ADHFE1: variants seen among roughly 807,000 people sequenced by gnomAD.
ADHFE1 encodes the protein alcohol dehydrogenase iron containing 1.
Under a neutral mutation model 54.8 loss-of-function variants are expected in ADHFE1, and 37 were observed. That is an observed-to-expected ratio of 0.68 (90% CI 0.52 to 0.89). ADHFE1 has a LOEUF of 0.89. ADHFE1 is among the 40% of genes least tolerant of loss of function. The probability of loss-of-function intolerance (pLI) is 0.00; values close to 1 mark genes in which losing one functional copy is unlikely to be tolerated. For synonymous variants in ADHFE1, 203 were observed against 229.3 expected (o/e 0.89, Z 1.04); for missense variants, 601 against 591.2 (o/e 1.02, Z -0.17).
chr8:66,441,297 T>A (rs1805732563), intron 2 of ADHFE1, among the ~76,000 whole-genome samples: 1 of 152,188 alleles, frequency 6.6e-6, no homozygotes, highest in African/African-American at 2.4e-5. Flanking sequence ...AGTACAGCGG[T>A]ACAGTCGTAG....
intron 13 of ADHFE1, among the ~76,000 whole-genome samples, chr8:66,465,580 T>C (rs1807128887): frequency 6.6e-6 from 1 of 152,182 alleles, no homozygotes; most frequent in African/African-American, 2.4e-5. Context: ...TTTGAGGTTT[T>C]TTGTTGGTGA....
chr8:66,466,406 T>G (rs1164786075), intron 13 of ADHFE1, among the ~76,000 whole-genome samples: 1 of 152,180 alleles, frequency 6.6e-6, no homozygotes, highest in African/African-American at 2.4e-5. Context: ...CAAGAAATCA[T>G]TGCCAAAGCC....
In ADHFE1 at chr8:66,457,140, G is replaced by A. The variant is rs778193632; in HGVS notation, c.1136G>A (p.Arg379Gln). The A allele has an allele frequency of 9.7e-5, 157 of 1,613,206 alleles. 2 individuals are homozygous for A. The South Asian group carries it at 1.6e-3, about 16-fold the overall frequency. ...FTFTAQMFPE[R>Q]HLEMAEILGA... ...TTCACGGCCCAGATGTTTCCAGAGC[G>A]ACACCTGGAGATGGCAGAAATACTG... Residue 379 changes from arginine to glutamine, a missense_variant, in exon 12 of 14, where the codon CGA (arginine) becomes CAA (glutamine). Arg to Gln is a conservative substitution (Grantham distance 43, BLOSUM62 1). Coordinates refer to ENST00000396623, the MANE Select transcript of ADHFE1 (RefSeq NM_144650.3).
chr8:66,446,612 T>C (rs983514456), intron 6 of ADHFE1, among the ~76,000 whole-genome samples: 13 of 152,162 alleles, frequency 8.5e-5, no homozygotes, highest in Admixed American at 5.9e-4. Context: ...AACACACATG[T>C]ATGTTAATAC....
At chr8:66,460,566 T>TGTAAAAGAGTTCCAGGTCTCTA in intron 13 of ADHFE1, 101 bp downstream of exon 13, 1 of 1,420,978 alleles carries the variant, frequency 7.0e-7, no homozygotes, top group East Asian at 2.4e-5. Context: ...AAACCAGGGC[T>TGTAAAAGAGTTCCAGGTCTCTA]CCCCGGTGGT....
chr8:66,437,453 C>T (rs751553674), intron 1 of ADHFE1, among the ~76,000 whole-genome samples: 68 of 152,064 alleles, frequency 4.5e-4, no homozygotes, highest in Non-Finnish European at 7.8e-4. Flanking sequence ...CTGCTCTCCC[C>T]AAGCCTCACT....
chr8:66,466,780 G>A (rs141724799), intron 13 of ADHFE1, among the ~76,000 whole-genome samples: 72 of 152,278 alleles, frequency 4.7e-4, no homozygotes, highest in Non-Finnish European at 6.3e-4. Flanking sequence ...CTCCAGCCAG[G>A]GTGTTGGGAA....
intron 2 of ADHFE1, among the ~76,000 whole-genome samples, chr8:66,440,427 T>C (rs999457877): frequency 2.6e-5 from 4 of 152,234 alleles, no homozygotes; most frequent in African/African-American, 4.8e-5. Context: ...TTAATGCTAC[T>C]TACAACGCTT....
chr8:66,432,736 C>G, intron 1 of ADHFE1, 161 bp downstream of exon 1: 1 of 1,232,276 alleles, frequency 8.1e-7, no homozygotes, highest in Non-Finnish European at 1.0e-6. Context: ...GGCGGAACAG[C>G]GAGGTCACAG....
intron 6 of ADHFE1, 69 bp from the exon 7 acceptor site, chr8:66,447,195 G>C: frequency 7.1e-7 from 1 of 1,398,936 alleles, no homozygotes; most frequent in East Asian, 2.3e-5. Flanking sequence ...TCAGTCCTAA[G>C]GCTGAATTAG....
Position 66,448,846 on chromosome 8 carries a change from G to C in ADHFE1, c.629-19G>C. ...GATGCCCATGGCTTTAGCCTCTACT[G>C]AAAATCCTTATGTTTTAGGCATCAC... On this transcript the variant is annotated intron_variant, in intron 7 of 13. Coordinates refer to ENST00000396623, the MANE Select transcript of ADHFE1 (RefSeq NM_144650.3). The C allele has an allele frequency of 6.2e-7, 1 of 1,607,660 alleles. No individual in the cohort carries two copies. The highest frequency in any genetic ancestry group is 8.5e-7 in the Non-Finnish European group (1 of 1,175,302).
Position 66,456,875 on chromosome 8 carries a change from A to C in ADHFE1, c.1045A>C (p.Asn349His). 6.3e-7 allele frequency: 1 copy of C among 1,577,356 alleles called. No individual in the cohort carries two copies. Among genetic ancestry groups the C allele is most frequent in the Non-Finnish European group, 8.6e-7 (1 of 1,165,892 alleles). The change falls in exon 11 of 14, where the codon AAT (asparagine) becomes CAT (histidine). Residue 349 changes from asparagine (N) to histidine (H), a missense_variant. By Grantham distance (68) the Asn-to-His change is moderately conservative. Coordinates refer to ENST00000396623, the MANE Select transcript of ADHFE1 (RefSeq NM_144650.3). ...LVKMYKAKDY[N>H]VDHPLVPHGL... ...GAAGATGTATAAAGCAAAGGATTAC[A>C]ATGTGGATCACCCACTGGTGGTAAA...
chr8:66,449,003 T>C (rs779651009), intron 8 of ADHFE1, 33 bp downstream of exon 8: 22 of 1,559,098 alleles, frequency 1.4e-5, no homozygotes, highest in Non-Finnish European at 1.9e-5. Flanking sequence ...GGGGCTTTTT[T>C]AGTACTGGGT....
At chr8:66,440,036 G>T in intron 1 of ADHFE1, 126 bp from the exon 2 acceptor site, 1 of 957,314 alleles carries the variant, frequency 1.0e-6, no homozygotes, top group Non-Finnish European at 1.6e-6. Flanking sequence ...TACAGTGTCT[G>T]CCAAGAACTA....
In ADHFE1 at chr8:66,453,877, AAT is replaced by A. The variant is rs1393842932; in HGVS notation, c.888-179_888-178del. 17 of 1,506,688 alleles carry A rather than the reference AAT, an allele frequency of 1.1e-5. No homozygotes were observed. The East Asian group carries it at 3.0e-4, about 26-fold the overall frequency. The allele number at this position is 1,506,688 out of a possible 1,614,324, so 93.3% of individuals were successfully genotyped here. The stretch of plus-strand genomic sequence containing the variant: ...GCCTTTGCTGAAACAGTTGATGAGA[AAT>A]ATGTTTCCCTTCAGTTTTCATTTAG... On this transcript the variant is annotated intron_variant, in intron 9 of 13. Coordinates refer to ENST00000396623, the MANE Select transcript of ADHFE1 (RefSeq NM_144650.3).
chr8:66,444,492 A>G (rs1805926579), intron 4 of ADHFE1, 72 bp downstream of exon 4: 1 of 1,607,204 alleles, frequency 6.2e-7, no homozygotes, highest in East Asian at 2.2e-5. Context: ...CTAAATGACA[A>G]CAATCACATC....
chr8:66,466,644 T>A (rs188688833), intron 13 of ADHFE1, among the ~76,000 whole-genome samples: 1 of 152,188 alleles, frequency 6.6e-6, no homozygotes, highest in Admixed American at 6.5e-5. Flanking sequence ...TACCTTCTAG[T>A]GAGGGGAGAC....
intron 2 of ADHFE1, 73 bp from the exon 3 acceptor site, chr8:66,442,725 T>A: frequency 7.5e-7 from 1 of 1,334,784 alleles, no homozygotes; most frequent in East Asian, 2.3e-5. Flanking sequence ...TGTTCACTGC[T>A]GGATTTTACT....
Position 66,455,681 on chromosome 8 carries a change from G to A in ADHFE1, c.987-1136G>A, listed in dbSNP as rs1012551043. Among the ~76,000 whole-genome samples, 18 of 152,332 alleles carry A rather than the reference G, an allele frequency of 1.2e-4. No individual in the cohort carries two copies. The East Asian group carries it at 2.3e-3, about 20-fold the overall frequency. On this transcript the variant is annotated intron_variant, in intron 10 of 13. Coordinates refer to ENST00000396623, the MANE Select transcript of ADHFE1 (RefSeq NM_144650.3). ...CCTCTAATCCCAACAATGGGAAGCCGAGTTGGACGGATCCCTTGAGCTGAG... is the reference window on the plus strand; with the variant it reads ...CCTCTAATCCCAACAATGGGAAGCCAAGTTGGACGGATCCCTTGAGCTGAG...
Sources: gnomAD v4.1 joint callset for allele counts (sites outside exome capture counted in the v4.1 genomes callset) on GRCh38, gnomAD v4.1.1 for gene constraint, MANE v1.5 for transcripts, NCBI Gene and HGNC (gene_info 2026-07-23, HGNC 2026-07-21) for gene names.